RAD9A: variants seen among roughly 807,000 people sequenced by gnomAD.
RAD9A encodes the protein cell cycle checkpoint control protein RAD9A.
RAD9A carries 25 observed loss-of-function variants against 41.2 expected under a neutral mutation model. That is an observed-to-expected ratio of 0.61 (90% CI 0.44 to 0.85). RAD9A has a LOEUF of 0.85. Ranked by LOEUF, RAD9A falls within the 40% of genes least tolerant of loss-of-function variation. The probability of loss-of-function intolerance (pLI) is 0.00; values close to 1 mark genes in which losing one functional copy is unlikely to be tolerated. For missense variants in RAD9A, 514 were observed against 518.3 expected (o/e 0.99, Z 0.08); for synonymous variants, 252 against 210.6 (o/e 1.20, Z -1.70).
chr11:67,393,280 A>G, intron 3 of RAD9A: 11 of 142,574 alleles, frequency 7.7e-5, no homozygotes, highest in Non-Finnish European at 1.5e-4. Flanking sequence ...ACTCCATCTC[A>G]AAAAAAAAAA....
rs1025548559 is a variant in RAD9A, at chr11:67,397,251, C to T, written c.945C>T (p.Gly315=). 1 of 1,613,274 alleles carries T rather than the reference C, an allele frequency of 6.2e-7. No homozygotes were observed. The highest frequency in any genetic ancestry group is 1.1e-5 in the South Asian group (1 of 91,070). ...TGATCGCCATGGAAACCACTATAGG[C>T]AATGAGGGCTCGCGGGTGCTGCCCT... The part of the protein sequence containing the change: ...SYMIAMETTI[G]NEGSRVLPSI... The change falls in exon 10 of 11, where the codon GGC becomes GGT. Residue 315 remains glycine (G), a synonymous_variant. Coordinates refer to ENST00000307980, the MANE Select transcript of RAD9A (RefSeq NM_004584.3).
intron 2 of RAD9A, 28 bp downstream of exon 2, chr11:67,392,259 T>TGGGGGGGTTGGGGGGGGGGGGGGGGGG: frequency 2.1e-6 from 1 of 484,290 alleles, no homozygotes; most frequent in Non-Finnish European, 4.1e-6. Context: ...GGGGGGCGGG[T>TGGGGGGGTTGGGGGGGGGGGGGGGGGG]GGGACTCCAG....
chr11:67,397,360 G>C lies in RAD9A; in HGVS notation c.1054G>C (p.Val352Leu). The change falls in exon 10 of 11, where the codon GTG becomes CTG. Residue 352 changes from valine to leucine, a missense_variant. Physicochemically the swap from Val to Leu is conservative, Grantham distance 32. Around this residue, in one of 3 missense-constraint regions of RAD9A, gnomAD observed 216 missense variants for 184.2 expected, o/e 1.17. Coordinates refer to ENST00000307980, the MANE Select transcript of RAD9A (RefSeq NM_004584.3). ...GGAAGATGAGGCTGAGCCCAGTACA[G>C]TGCCTGGGACTCCCCCACCCAAGAA... is the stretch of plus-strand genomic sequence containing the variant. ...EEEDEAEPST[V>L]PGTPPPKKFR... 1.3e-6 allele frequency: 2 copies of C among 1,594,756 alleles called. No individual in the cohort carries two copies. The highest frequency in any genetic ancestry group is 1.4e-5 in the African/African-American group (1 of 72,098).
At chr11:67,393,404 A>G in intron 3 of RAD9A, 92 bp from the exon 4 acceptor site, 5 of 1,531,400 alleles carry the variant, frequency 3.3e-6, no homozygotes, top group African/African-American at 1.4e-5. Context: ...CCAGAGTTAC[A>G]TGCTGGGCCC....
At chr11:67,396,549 T>G (rs1203626731) in intron 9 of RAD9A, 149 bp downstream of exon 9, 1 of 1,026,176 alleles carries the variant, frequency 9.7e-7, no homozygotes, top group Non-Finnish European at 1.4e-6. Context: ...CCTATAGTGC[T>G]CACAGCTGCC....
rs376035525 is a variant in RAD9A, at chr11:67,392,019, G to A, written c.-26G>A. The A allele has an allele frequency of 3.0e-5, 47 of 1,551,912 alleles. No individual in the cohort carries two copies. In the African/African-American group the frequency reaches 5.6e-4, roughly 18 times the overall value. On this transcript the variant is annotated 5_prime_UTR_variant, in exon 1 of 11. Transcript: ENST00000307980. The stretch of plus-strand genomic sequence containing the variant: ...AGGTCGCGGAGAGCTGGGCAGTGTT[G>A]GCCGCTGGCGGAGCGCTGGGGCAGC...
chr11:67,392,679 C>G lies in RAD9A; in HGVS notation c.131C>G (p.Ser44Cys). 1.9e-6 allele frequency: 3 copies of G among 1,613,986 alleles called. No individual in the cohort carries two copies. Among genetic ancestry groups the G allele is most frequent in the Non-Finnish European group, 2.5e-6 (3 of 1,179,992 alleles). ...CTCTCCCTCCGGACGGTGAACTCCT[C>G]CCGCTCTGCCTATGCCTGCTTTCTC... Reference protein sequence around the residue: ...DGLSLRTVNSSRSAYACFLFA... With the variant: ...DGLSLRTVNSCRSAYACFLFA... The change falls in exon 3 of 11, where the codon TCC becomes TGC. Residue 44 changes from serine (S) to cysteine (C), a missense_variant. By Grantham distance (112) the Ser-to-Cys change is moderately radical (BLOSUM62 -1). This residue lies in a region of RAD9A where 268 missense variants were observed against 279.3 expected (regional missense o/e 0.96). Coordinates refer to ENST00000307980, the MANE Select transcript of RAD9A (RefSeq NM_004584.3).
At chr11:67,392,262 G>GGGGGGGGGGC in intron 2 of RAD9A, 31 bp downstream of exon 2, 1 of 600,784 alleles carries the variant, frequency 1.7e-6, no homozygotes, top group Non-Finnish European at 3.0e-6. Flanking sequence ...GGGCGGGTGG[G>GGGGGGGGGGC]ACTCCAGCCG....
Position 67,396,011 on chromosome 11 carries a change from A to G in RAD9A, c.659A>G (p.Lys220Arg), listed in dbSNP as rs1862683117. Residue 220 changes from lysine to arginine, a missense_variant, in exon 7 of 11, where the codon AAG (lysine) becomes AGG (arginine). By Grantham distance (26) the Lys-to-Arg change is conservative. This residue lies in a region of RAD9A where 30 missense variants were observed against 54.8 expected (regional missense o/e 0.55). Transcript: ENST00000307980. Reference sequence around the variant, plus strand: ...GGGGTGGCCATCACTTTCTGCCTCAAGGAATTCCGGGTGAGGTTCCTCCCA... The same window carrying G: ...GGGGTGGCCATCACTTTCTGCCTCAGGGAATTCCGGGTGAGGTTCCTCCCA... ...QEGVAITFCL[K>R]EFRGLLSFAE... The G allele has an allele frequency of 6.2e-7, 1 of 1,613,972 alleles. No individual in the cohort carries two copies.
rs752394207 is a variant in RAD9A at position 67,395,972 on chromosome 11, T to C, written c.620T>C (p.Leu207Pro). 1.1e-5 allele frequency: 18 copies of C among 1,614,138 alleles called. No individual in the cohort carries two copies. In the South Asian group the frequency reaches 1.8e-4, roughly 16 times the overall value. ...CTTGGAGAGGAGGATTTCCAGCAGC[T>C]GCAGGCCCAGGAAGGGGTGGCCATC... Reference protein sequence around the residue: ...MCLGEEDFQQLQAQEGVAITF... With the variant: ...MCLGEEDFQQPQAQEGVAITF... The change falls in exon 7 of 11, where the codon CTG becomes CCG. Residue 207 changes from leucine (L) to proline (P), a missense_variant. Leu to Pro is a moderately conservative substitution (Grantham distance 98). Around this residue, in one of 3 missense-constraint regions of RAD9A, gnomAD observed 268 missense variants for 279.3 expected, o/e 0.96. Coordinates refer to ENST00000307980, the MANE Select transcript of RAD9A (RefSeq NM_004584.3).
At chr11:67,396,732 G>T (rs1167429681) in intron 9 of RAD9A, among the ~76,000 whole-genome samples, 2 of 152,208 alleles carry the variant, frequency 1.3e-5, no homozygotes, top group Non-Finnish European at 2.9e-5. Context: ...CTGGGCTGGG[G>T]GAAGCAGGTG....
At chr11:67,394,164 C>G (rs958695969) in intron 5 of RAD9A, among the ~76,000 whole-genome samples, 1 of 152,246 alleles carries the variant, frequency 6.6e-6, no homozygotes, top group Non-Finnish European at 1.5e-5. Flanking sequence ...CTGCCCATAA[C>G]CTGTGGCTCA....
rs761855304 is a variant in RAD9A, at chr11:67,397,511, C to G, written c.1128C>G (p.Pro376=). Residue 376 remains proline (P), a synonymous_variant, in exon 11 of 11, where the codon CCC becomes CCG. Coordinates refer to ENST00000307980, the MANE Select transcript of RAD9A (RefSeq NM_004584.3). ...CCATCCTGGCCCCTGTACGCTCCCC[C>G]CAGGGCCCCAGCCCTGTGCTGGCGG... is the stretch of plus-strand genomic sequence containing the variant. The part of the protein sequence containing the change: ...FGSILAPVRS[P]QGPSPVLAED... The G allele has an allele frequency of 1.7e-5, 28 of 1,612,212 alleles. No homozygotes were observed. The highest frequency in any genetic ancestry group is 1.8e-4 in the Middle Eastern group (1 of 5,550).
intron 3 of RAD9A, 90 bp downstream of exon 3, chr11:67,392,872 G>C: frequency 1.3e-6 from 2 of 1,511,858 alleles, no homozygotes; most frequent in Non-Finnish European, 1.8e-6. Flanking sequence ...TAGATGCTAA[G>C]TGGGGAGAGA....
At position 67,393,251 on chromosome 11, in the gene RAD9A, G is replaced by C. The variant is rs1862583304; in HGVS notation, c.235-245G>C. ...GCTGAGATCGCACCACTGCACTCCAGCCTGGGTGACAGAGCGAGACTCCAT... is the reference window on the plus strand; with the variant it reads ...GCTGAGATCGCACCACTGCACTCCACCCTGGGTGACAGAGCGAGACTCCAT... On this transcript the variant is annotated intron_variant, in intron 3 of 10. Coordinates refer to ENST00000307980, the MANE Select transcript of RAD9A (RefSeq NM_004584.3). 3.4e-6 allele frequency: 4 copies of C among 1,184,772 alleles called. No individual in the cohort carries two copies. In the South Asian group the frequency reaches 8.6e-5, roughly 26 times the overall value. The allele number at this position is 1,184,772 out of a possible 1,614,324, so 73.4% of individuals were successfully genotyped here. A position where few individuals can be genotyped will look rare whatever the true frequency, so the allele number is the denominator to read the frequency against.
At chr11:67,392,259 T>TGGGGGGGGGGGGGGGGGG in intron 2 of RAD9A, 28 bp downstream of exon 2, 20 of 484,234 alleles carry the variant, frequency 4.1e-5, no homozygotes, top group East Asian at 1.0e-4. Context: ...GGGGGGCGGG[T>TGGGGGGGGGGGGGGGGGG]GGGACTCCAG....
At chr11:67,396,452 C>G in intron 9 of RAD9A, 52 bp downstream of exon 9, 1 of 1,588,958 alleles carries the variant, frequency 6.3e-7, no homozygotes, top group South Asian at 1.1e-5. Flanking sequence ...TGCACTCCAG[C>G]CTGAGACTGC....
intron 3 of RAD9A, 91 bp downstream of exon 3, chr11:67,392,873 TG>T: frequency 6.6e-7 from 1 of 1,507,008 alleles, no homozygotes. Flanking sequence ...AGATGCTAAG[TG>T]GGGAGAGAGA....
intron 5 of RAD9A, among the ~76,000 whole-genome samples, chr11:67,394,970 C>T (rs17879043): frequency 0.022 from 3,366 of 151,982 alleles, 83 homozygotes; most frequent in Admixed American, 0.044. Context: ...GATAGAGTCT[C>T]GCTCTGTCAC....
Sources: gnomAD v4.1 joint callset for allele counts (sites outside exome capture counted in the v4.1 genomes callset) on GRCh38, gnomAD v4.1.1 for gene constraint, gnomAD v4.1.1 regional missense constraint, MANE v1.5 for transcripts, NCBI Gene and HGNC (gene_info 2026-07-23, HGNC 2026-07-21) for gene names.